LGALS8: variants seen among roughly 807,000 people sequenced by gnomAD.
LGALS8 encodes galectin-8.
Under a neutral mutation model 35.9 loss-of-function variants are expected in LGALS8, and 30 were observed. The ratio of observed to expected loss-of-function variants is 0.83; its 90% CI spans 0.62 to 1.13. The LOEUF is 1.13. Ranked by LOEUF, LGALS8 falls within the 50% of genes most tolerant of loss-of-function variation. The probability of loss-of-function intolerance (pLI) is 0.00; values close to 1 mark genes in which losing one functional copy is unlikely to be tolerated. For synonymous variants in LGALS8, 138 were observed against 136.1 expected (o/e 1.01, Z -0.10); for missense variants, 366 against 388.7 (o/e 0.94, Z 0.49).
At chr1:236,546,062 T>C (rs1329899612) in intron 9 of LGALS8, among the ~76,000 whole-genome samples, 1 of 152,190 alleles carries the variant, frequency 6.6e-6, no homozygotes, top group Non-Finnish European at 1.5e-5. Context: ...GGATCTGCTA[T>C]ATTAATATAA....
rs762370325 is a variant in LGALS8, at chr1:236,548,018, A to G, written c.811A>G (p.Ile271Val). The G allele has an allele frequency of 6.2e-7, 1 of 1,610,818 alleles. No homozygotes were observed. Among genetic ancestry groups the G allele is most frequent in the African/African-American group, 1.3e-5 (1 of 74,994 alleles). The change falls in exon 10 of 10, where the codon ATT becomes GTT. Residue 271 changes from isoleucine (I) to valine (V), a missense_variant. Ile to Val is a conservative substitution (Grantham distance 29, BLOSUM62 3). Transcript: ENST00000366584. Reference protein sequence around the residue: ...FSPGMYFEMIIYCDVREFKVA... With the variant: ...FSPGMYFEMIVYCDVREFKVA... The stretch of plus-strand genomic sequence containing the variant: ...ATGTATCCTTTCCTTTCAGATGATA[A>G]TTTATTGTGATGTTAGAGAATTCAA...
intron 2 of LGALS8, among the ~76,000 whole-genome samples, chr1:236,531,190 C>T (rs819415): frequency 0.24 from 36,893 of 151,990 alleles, 4,734 homozygotes; most frequent in South Asian, 0.43. Context: ...CGATTATATC[C>T]GGTGCTATAG....
At chr1:236,535,497 AT>A (rs1661432200) in intron 2 of LGALS8, among the ~76,000 whole-genome samples, 1 of 152,188 alleles carries the variant, frequency 6.6e-6, no homozygotes, top group Non-Finnish European at 1.5e-5. Context: ...GTTATTAAAT[AT>A]TCTGCATAAA....
rs1415448123 is a variant in LGALS8 at position 236,526,045 on chromosome 1, T to G, written c.-26T>G. On this transcript the variant is annotated 5_prime_UTR_variant, in exon 2 of 10. Transcript: ENST00000366584. This position sits in a 1 kb window ranked among gnomAD's most constrained non-coding sequence, Gnocchi z 4.6. ...ATCTTAGGTCATACACAGAAGAGAC[T>G]CCAATCGACAAGAAGCTGGAAAAGA... is the stretch of plus-strand genomic sequence containing the variant. The G allele has an allele frequency of 1.2e-6, 2 of 1,604,314 alleles. No homozygotes were observed. The highest frequency in any genetic ancestry group is 1.7e-6 in the Non-Finnish European group (2 of 1,171,694).
intron 2 of LGALS8, among the ~76,000 whole-genome samples, chr1:236,527,708 T>C (rs931171945): frequency 8.6e-5 from 13 of 151,678 alleles, no homozygotes; most frequent in African/African-American, 2.9e-4. Context: ...AGGCTGTAAA[T>C]AACTTATTTT....
rs912983717 is a variant in LGALS8, at chr1:236,548,828, A to C, written c.*667A>C. The C allele has an allele frequency of 1.0e-5, 4 of 397,706 alleles. No homozygotes were observed. The highest frequency in any genetic ancestry group is 4.1e-5 in the African/African-American group (2 of 48,622). The allele number at this position is 397,706 out of a possible 1,614,324, so 24.6% of individuals were successfully genotyped here. A position where few individuals can be genotyped will look rare whatever the true frequency, so the allele number is the denominator to read the frequency against. On this transcript the variant is annotated 3_prime_UTR_variant, in exon 10 of 10. Coordinates refer to ENST00000366584, the MANE Select transcript of LGALS8 (RefSeq NM_201544.4). ...TATTAGCTGCAAGCTTTACCAAGTA[A>C]TTGGCATGACATCTGAGCACAGAAA... is the stretch of plus-strand genomic sequence containing the variant.
At chr1:236,531,870 A>G (rs1442605170) in intron 2 of LGALS8, among the ~76,000 whole-genome samples, 2 of 152,140 alleles carry the variant, frequency 1.3e-5, no homozygotes, top group African/African-American at 2.4e-5. Flanking sequence ...CGGTGAAAGG[A>G]TATAGAGCAA....
rs563362403 is a variant in LGALS8, at chr1:236,535,902, C to T, written c.46-1595C>T. On this transcript the variant is annotated intron_variant, in intron 2 of 9. Transcript: ENST00000366584. ...TATGTGTGAGGCCTGCCAGAGCCCA[C>T]TTTCCAGACAGGTGAGAGTTCATTC... Among the ~76,000 whole-genome samples, 9 of 152,364 alleles carry T rather than the reference C, an allele frequency of 5.9e-5. No homozygotes were observed. The East Asian group carries it at 1.5e-3, about 26-fold the overall frequency.
chr1:236,552,165 A>C lies in LGALS8; in HGVS notation c.*4004A>C. The C allele has an allele frequency of 8.6e-7, 1 of 1,164,210 alleles. No individual in the cohort carries two copies. The allele number at this position is 1,164,210 out of a possible 1,614,324, so 72.1% of individuals were successfully genotyped here. A position where few individuals can be genotyped will look rare whatever the true frequency, so the allele number is the denominator to read the frequency against. ...GTAGTGTTACTGTATTTATTATCTT[A>C]AGAGCTGTACTGACTTGAGACAAGC... On this transcript the variant is annotated 3_prime_UTR_variant, in exon 10 of 10. Coordinates refer to ENST00000366584, the MANE Select transcript of LGALS8 (RefSeq NM_201544.4).
intron 7 of LGALS8, 47 bp downstream of exon 7, chr1:236,542,834 T>C (rs115536225): frequency 6.2e-7 from 1 of 1,614,092 alleles, no homozygotes; most frequent in Non-Finnish European, 8.5e-7. Flanking sequence ...TTTTATAAAG[T>C]TGCATAGAAA....
intron 1 of LGALS8, chr1:236,524,609 A>C: frequency 2.8e-6 from 1 of 360,042 alleles, no homozygotes; most frequent in Non-Finnish European, 5.6e-6. Context: ...GTGAAACTTA[A>C]GTGATGGCTG....
intron 9 of LGALS8, 57 bp from the exon 10 acceptor site, chr1:236,547,955 A>T: frequency 6.7e-7 from 1 of 1,500,612 alleles, no homozygotes. Context: ...AGCATGTAAC[A>T]AACACAAAAT....
At chr1:236,519,011 C>A (rs1201186006), upstream of LGALS8, among the ~76,000 whole-genome samples, 1 of 152,138 alleles carries the variant, frequency 6.6e-6, no homozygotes, top group Non-Finnish European at 1.5e-5. Flanking sequence ...CAAGAGCTTA[C>A]AATTCATGTC....
chr1:236,535,235 C>G (rs2040098), intron 2 of LGALS8, among the ~76,000 whole-genome samples: 92,764 of 151,700 alleles, frequency 0.61, 29,245 homozygotes, highest in Non-Finnish European at 0.69. Context: ...AAATTAAAAT[C>G]CCATCATCCC....
chr1:236,528,653 C>A (rs1194814329), intron 2 of LGALS8, among the ~76,000 whole-genome samples: 1 of 148,144 alleles, frequency 6.8e-6, no homozygotes, highest in Non-Finnish European at 1.5e-5. Flanking sequence ...CTGGGCTCAG[C>A]CTTGTAAATA....
At position 236,548,118 on chromosome 1, in the gene LGALS8, A is replaced by G; in HGVS notation, c.911A>G (p.Glu304Gly). The G allele has an allele frequency of 3.1e-6, 5 of 1,614,074 alleles. No individual in the cohort carries two copies. The highest frequency in any genetic ancestry group is 4.2e-6 in the Non-Finnish European group (5 of 1,179,926). ...GAGCTCAGCAGTATTGACACGCTGG[A>G]AATTAATGGAGACATCCACTTACTG... ...FKELSSIDTL[E>G]INGDIHLLEV... The change falls in exon 10 of 10, where the codon GAA becomes GGA. Residue 304 changes from glutamate to glycine, a missense_variant. Physicochemically the swap from Glu to Gly is moderately conservative, Grantham distance 98. Coordinates refer to ENST00000366584, the MANE Select transcript of LGALS8 (RefSeq NM_201544.4).
In LGALS8 at chr1:236,549,784, C is replaced by G. The variant is rs910629885; in HGVS notation, c.*1623C>G. The G allele has an allele frequency of 6.6e-6, 1 of 152,118 alleles. No homozygotes were observed. Among genetic ancestry groups the G allele is most frequent in the South Asian group, 2.1e-4 (1 of 4,832 alleles). 9.4% of individuals were successfully genotyped at this position (152,118 alleles called of 1,614,324 possible). A position where few individuals can be genotyped will look rare whatever the true frequency, so the allele number is the denominator to read the frequency against. On this transcript the variant is annotated 3_prime_UTR_variant, in exon 10 of 10. Transcript: ENST00000366584. ...AAAAAAATAGCCCACTCACATCATT[C>G]CTTGTAAGTCTTAAGTTCATTTTCA...
chr1:236,541,818 C>T (rs1219572567), intron 6 of LGALS8, 108 bp downstream of exon 6: 13 of 572,324 alleles, frequency 2.3e-5, no homozygotes, highest in South Asian at 1.9e-4. Flanking sequence ...GCTTTTAGAA[C>T]GCAAGTAATC....
In LGALS8 at chr1:236,537,089, T is replaced by C. The variant is rs189544366; in HGVS notation, c.46-408T>C. On this transcript the variant is annotated intron_variant, in intron 2 of 9. Coordinates refer to ENST00000366584, the MANE Select transcript of LGALS8 (RefSeq NM_201544.4). ...TGGAGCATAGTGGCGCGATCTCGGCTCACTGCAAGCTCCGCCTCCCAGGTT... is the reference window on the plus strand; with the variant it reads ...TGGAGCATAGTGGCGCGATCTCGGCCCACTGCAAGCTCCGCCTCCCAGGTT... 6.8e-4 allele frequency among the ~76,000 whole-genome samples: 101 copies of C among 147,814 alleles called. No homozygotes were observed. In the Admixed American group the frequency reaches 6.8e-3, roughly 10 times the overall value.
Sources: gnomAD v4.1 joint callset for allele counts (sites outside exome capture counted in the v4.1 genomes callset) on GRCh38, gnomAD v4.1.1 for gene constraint, Gnocchi (gnomAD v3.1) non-coding constraint, MANE v1.5 for transcripts, NCBI Gene and HGNC (gene_info 2026-07-23, HGNC 2026-07-21) for gene names.